CAMTA1: variants seen among roughly 807,000 people sequenced by gnomAD.
CAMTA1 encodes calmodulin binding transcription activator 1, also known as calmodulin-binding transcription activator 1.
Under a neutral mutation model 170.9 loss-of-function variants are expected in CAMTA1, and 27 were observed. The ratio of observed to expected loss-of-function variants is 0.16; its 90% confidence interval spans 0.12 to 0.22. CAMTA1 has a LOEUF of 0.22. CAMTA1 is among the 10% of genes least tolerant of loss of function. CAMTA1 has a pLI of 1.00. For synonymous variants in CAMTA1, 833 were observed against 891.5 expected, an observed-to-expected ratio of 0.93 and a Z score of 1.17; for missense variants, 1,619 against 2,217.2, an observed-to-expected ratio of 0.73 and a Z score of 5.42.
chr1:7,304,116 T>A (rs1423951495), intron 5 of CAMTA1, among the ~76,000 whole-genome samples: 1 of 152,120 alleles, frequency 6.6e-6, no homozygotes, highest in African/African-American at 2.4e-5. Context: ...CTGTTTGGGA[T>A]GATGAAAAGT....
chr1:7,377,307 T>A (rs2086911491), intron 5 of CAMTA1, among the ~76,000 whole-genome samples: 1 of 152,176 alleles, frequency 6.6e-6, no homozygotes, highest in African/African-American at 2.4e-5. Flanking sequence ...AGAGCAGCAG[T>A]GAAAAGGCCA....
intron 18 of CAMTA1, among the ~76,000 whole-genome samples, chr1:7,746,575 G>C (rs1284781816): frequency 2.0e-5 from 3 of 152,192 alleles, no homozygotes; most frequent in Non-Finnish European, 4.4e-5. Flanking sequence ...TGGGACAAGG[G>C]CCCATCCATG....
chr1:7,334,342 T>C (rs888047134), intron 5 of CAMTA1, among the ~76,000 whole-genome samples: 2 of 152,176 alleles, frequency 1.3e-5, no homozygotes, highest in Admixed American at 6.5e-5. Flanking sequence ...CTTGGCAACA[T>C]TTTCGGGACA....
intron 5 of CAMTA1, among the ~76,000 whole-genome samples, chr1:7,367,809 C>T (rs188776719): frequency 6.6e-6 from 1 of 152,238 alleles, no homozygotes; most frequent in African/African-American, 2.4e-5. Flanking sequence ...TCACTGGGCA[C>T]AGGCCCTGGG....
At position 7,300,678 on chromosome 1, in the gene CAMTA1, CAA is replaced by C. The variant is rs199680940; in HGVS notation, c.438+51064_438+51065del. On this transcript the variant is annotated intron_variant, in intron 5 of 22. Coordinates refer to ENST00000303635, the MANE Select transcript of CAMTA1 (RefSeq NM_015215.4). The surrounding 1 kb of genome is among the most constrained non-coding windows in gnomAD (Gnocchi z 4.1). ...GACAACAAAGAGCAAAACTCTGTCT[CAA>C]AAAAAAAAAAATTGTATAGATATTG... is the stretch of plus-strand genomic sequence containing the variant. Among the ~76,000 whole-genome samples, 35 of 138,386 alleles carry C rather than the reference CAA, an allele frequency of 2.5e-4. No homozygotes were observed. The highest frequency in any genetic ancestry group is 9.0e-4 in the African/African-American group (34 of 37,932). 90.8% of individuals were successfully genotyped at this position (138,386 alleles called of 152,430 possible).
At chr1:7,650,413 C>T (rs191620052) in intron 7 of CAMTA1, among the ~76,000 whole-genome samples, 6 of 152,296 alleles carry the variant, frequency 3.9e-5, no homozygotes, top group East Asian at 3.9e-4. Context: ...AGTCACTGGC[C>T]GGGCTGGAAT....
chr1:7,016,861 A>T (rs60829219), intron 3 of CAMTA1, among the ~76,000 whole-genome samples: 13,474 of 152,064 alleles, frequency 0.089, 621 homozygotes, highest in Middle Eastern at 0.21. Context: ...AGGAAAAGAA[A>T]AAAAAGATTC....
intron 3 of CAMTA1, among the ~76,000 whole-genome samples, chr1:6,838,835 C>T (rs557885385): frequency 2.0e-5 from 3 of 152,258 alleles, no homozygotes; most frequent in Admixed American, 1.3e-4. Context: ...TAGCTCACTG[C>T]AGCTTCAAAT....
At chr1:6,890,646 T>C (rs1674313785) in intron 3 of CAMTA1, among the ~76,000 whole-genome samples, 1 of 151,964 alleles carries the variant, frequency 6.6e-6, no homozygotes, top group Non-Finnish European at 1.5e-5. Flanking sequence ...TCACAGCTTA[T>C]TGCAGCCTTG....
intron 3 of CAMTA1, among the ~76,000 whole-genome samples, chr1:7,030,552 A>C (rs1702638910): frequency 6.6e-6 from 1 of 152,240 alleles, no homozygotes; most frequent in Non-Finnish European, 1.5e-5. Flanking sequence ...TTGGCAACAA[A>C]TATGGTCAGT....
chr1:6,925,914 C>T (rs1000568057), intron 3 of CAMTA1, among the ~76,000 whole-genome samples: 3 of 152,174 alleles, frequency 2.0e-5, no homozygotes, highest in East Asian at 1.9e-4. Flanking sequence ...CCTCCTCCCC[C>T]TCCCGGCTCC....
At chr1:7,596,175 G>C (rs577018082) in intron 6 of CAMTA1, among the ~76,000 whole-genome samples, 3 of 152,320 alleles carry the variant, frequency 2.0e-5, no homozygotes, top group African/African-American at 7.2e-5. Context: ...CGAGTGGCTG[G>C]TGCAAGTGGG....
At chr1:6,915,732 G>A (rs761955864) in intron 3 of CAMTA1, among the ~76,000 whole-genome samples, 9 of 152,190 alleles carry the variant, frequency 5.9e-5, no homozygotes, top group Non-Finnish European at 8.8e-5. Context: ...GGCCACTGGC[G>A]TGGTGAGGAA....
intron 4 of CAMTA1, among the ~76,000 whole-genome samples, chr1:7,182,771 G>A (rs975808698): frequency 6.6e-6 from 1 of 152,068 alleles, no homozygotes; most frequent in African/African-American, 2.4e-5. Flanking sequence ...GAAAAAATGG[G>A]CACAAGACAT....
At chr1:7,484,743 C>G (rs185790858) in intron 6 of CAMTA1, among the ~76,000 whole-genome samples, 1 of 151,880 alleles carries the variant, frequency 6.6e-6, no homozygotes, top group Non-Finnish European at 1.5e-5. Flanking sequence ...GAGCTGAGAT[C>G]GCACCACTGC....
At chr1:7,448,042 G>A (rs541478367) in intron 5 of CAMTA1, among the ~76,000 whole-genome samples, 11 of 152,334 alleles carry the variant, frequency 7.2e-5, no homozygotes, top group South Asian at 4.1e-4. Context: ...GCAGGTCAGC[G>A]GGTGCTCCTC....
intron 3 of CAMTA1, among the ~76,000 whole-genome samples, chr1:7,084,826 A>G (rs1383459814): frequency 6.6e-6 from 1 of 152,222 alleles, no homozygotes; most frequent in African/African-American, 2.4e-5. Flanking sequence ...TGGGAAACAC[A>G]CAGGGACTTA....
intron 4 of CAMTA1, among the ~76,000 whole-genome samples, chr1:7,143,392 A>G (rs1032230329): frequency 2.6e-5 from 4 of 152,248 alleles, no homozygotes; most frequent in African/African-American, 9.6e-5. Context: ...GGAATGTTCC[A>G]GAGTCAATGT....
Position 7,122,429 on chromosome 1 carries a change from C to T in CAMTA1, c.302+31058C>T, listed in dbSNP as rs75330231. ...GTGCATATTCGTAGGGGGTGCCTGG[C>T]GATCAGAGCACTTTAGGGGATATTT... is the stretch of plus-strand genomic sequence containing the variant. On this transcript the variant is annotated intron_variant, in intron 4 of 22. Transcript: ENST00000303635. Among the ~76,000 whole-genome samples the T allele has an allele frequency of 9.5e-3, 1,437 of 151,950 alleles. 21 individuals are homozygous for T. Among genetic ancestry groups the T allele is most frequent in the African/African-American group, 0.032 (1,338 of 41,396 alleles).
Sources: allele counts gnomAD v4.1 joint callset (sites outside exome capture counted in the v4.1 genomes callset), GRCh38; gene constraint gnomAD v4.1.1; non-coding constraint Gnocchi (gnomAD v3.1); transcripts MANE v1.5; gene names NCBI Gene and HGNC (gene_info 2026-07-23, HGNC 2026-07-21).